The following PKD2 variants were observed in gnomAD, a reference collection of about 807,000 sequenced individuals.
PKD2 encodes the protein polycystin-2.
Under a neutral mutation model 105.9 loss-of-function variants are expected in PKD2, and 48 were observed. That is an observed-to-expected ratio of 0.45 (90% CI 0.36 to 0.58). The LOEUF is 0.58. Ranked by LOEUF, PKD2 falls within the 20% of genes least tolerant of loss-of-function variation. The pLI, the probability that PKD2 is intolerant of heterozygous loss-of-function variation, is 0.00. For synonymous variants in PKD2, 464 were observed against 481.1 expected (o/e 0.96, Z 0.46); for missense variants, 1,078 against 1,255.3 (o/e 0.86, Z 2.13).
At chr4:88,043,570 G>C in intron 5 of PKD2, 113 bp downstream of exon 5, 1 of 712,966 alleles carries the variant, frequency 1.4e-6, no homozygotes, top group Non-Finnish European at 2.5e-6. Context: ...GGATGCCAAG[G>C]ACCCAGACGG....
chr4:88,019,673 G>T, intron 2 of PKD2, 102 bp downstream of exon 2: 1 of 730,598 alleles, frequency 1.4e-6, no homozygotes, highest in South Asian at 1.5e-5. Context: ...AGGGGCAACT[G>T]GGAAGTTACC....
intron 1 of PKD2, among the ~76,000 whole-genome samples, chr4:88,016,569 C>T (rs1303753847): frequency 6.6e-6 from 1 of 152,050 alleles, no homozygotes; most frequent in Non-Finnish European, 1.5e-5. Context: ...GGTCCCTGTA[C>T]CCTAAGATTG....
At chr4:88,043,637 G>C (rs1727662216) in intron 5 of PKD2, among the ~76,000 whole-genome samples, 180 bp downstream of exon 5, 1 of 152,196 alleles carries the variant, frequency 6.6e-6, no homozygotes. Context: ...ATTTGAGGAA[G>C]GGAGTTGGGA....
chr4:88,019,029 T>C (rs1323934995), intron 1 of PKD2, among the ~76,000 whole-genome samples: 1 of 152,240 alleles, frequency 6.6e-6, no homozygotes, highest in African/African-American at 2.4e-5. Context: ...ACTTGAAATA[T>C]AATTACATCA....
chr4:88,052,327 G>T (rs951441869), intron 7 of PKD2, among the ~76,000 whole-genome samples, 169 bp downstream of exon 7: 1 of 152,138 alleles, frequency 6.6e-6, no homozygotes, highest in Admixed American at 6.5e-5. Context: ...GGAGTGCAGT[G>T]GTATGATTAC....
intron 4 of PKD2, among the ~76,000 whole-genome samples, chr4:88,042,115 C>T (rs1727586741): frequency 6.6e-6 from 1 of 152,196 alleles, no homozygotes; most frequent in Non-Finnish European, 1.5e-5. Flanking sequence ...TTGAAAATGC[C>T]CTTCCCATTT....
intron 13 of PKD2, among the ~76,000 whole-genome samples, chr4:88,069,169 C>T (rs1018062751): frequency 6.6e-6 from 1 of 152,058 alleles, no homozygotes; most frequent in African/African-American, 2.4e-5. Flanking sequence ...TTACTTTAAA[C>T]TTATTTATAT....
intron 2 of PKD2, among the ~76,000 whole-genome samples, chr4:88,020,117 A>T (rs994788787): frequency 1.3e-5 from 2 of 152,182 alleles, no homozygotes; most frequent in African/African-American, 4.8e-5. Flanking sequence ...TTTGTATTAG[A>T]TTCCTTAACA....
chr4:88,027,479 C>G (rs995448898), intron 2 of PKD2, among the ~76,000 whole-genome samples: 1 of 152,196 alleles, frequency 6.6e-6, no homozygotes, highest in South Asian at 2.1e-4. Context: ...AAGTAACTAA[C>G]TTGCTTTTGA....
intron 6 of PKD2, among the ~76,000 whole-genome samples, chr4:88,050,983 G>T (rs531904254): frequency 1.3e-5 from 2 of 152,194 alleles, no homozygotes; most frequent in Non-Finnish European, 2.9e-5. Context: ...AGAGAGAATG[G>T]ACAGCAAAGA....
At chr4:88,055,383 G>A (rs1229335319) in intron 7 of PKD2, among the ~76,000 whole-genome samples, 2 of 151,808 alleles carry the variant, frequency 1.3e-5, no homozygotes, top group Non-Finnish European at 1.5e-5. Flanking sequence ...AATCCTTTTT[G>A]GGGGGAAAGC....
Position 88,007,748 on chromosome 4 carries a change from T to C in PKD2, c.15T>C (p.Ser5=), listed in dbSNP as rs760925232. The change falls in exon 1 of 15, where the codon AGT becomes AGC. Residue 5 remains serine, a synonymous_variant. Coordinates refer to ENST00000237596, the MANE Select transcript of PKD2 (RefSeq NM_000297.4). MVNS[S]RVQPQQPGDA... is the part of the protein sequence containing the mutation. ...CAGTGACCGCGATGGTGAACTCCAG[T>C]CGCGTGCAGCCTCAGCAGCCCGGGG... 8.3e-7 allele frequency: 1 copy of C among 1,204,822 alleles called. No homozygotes were observed. 74.6% of individuals were successfully genotyped at this position (1,204,822 alleles called of 1,614,324 possible). A position where few individuals can be genotyped will look rare whatever the true frequency, so the allele number is the denominator to read the frequency against.
intron 6 of PKD2, among the ~76,000 whole-genome samples, chr4:88,049,598 G>A (rs1157382220): frequency 6.6e-6 from 1 of 152,158 alleles, no homozygotes; most frequent in African/African-American, 2.4e-5. Flanking sequence ...CTGACCAAGT[G>A]TAGAAGTGAG....
intron 2 of PKD2, among the ~76,000 whole-genome samples, chr4:88,027,686 C>A (rs770207264): frequency 6.6e-6 from 1 of 152,160 alleles, no homozygotes; most frequent in Admixed American, 6.5e-5. Flanking sequence ...TGTCTCCACC[C>A]AAATCTCATC....
chr4:88,050,265 C>T (rs527638329), intron 6 of PKD2, among the ~76,000 whole-genome samples: 16 of 152,220 alleles, frequency 1.1e-4, no homozygotes, highest in Non-Finnish European at 1.8e-4. Flanking sequence ...TGAACCACCG[C>T]GCCTGGCCCG....
chr4:88,024,994 G>A (rs976946714), intron 2 of PKD2, among the ~76,000 whole-genome samples: 43 of 152,000 alleles, frequency 2.8e-4, no homozygotes, highest in South Asian at 2.1e-4. Flanking sequence ...CTAGCCAGGC[G>A]TGGTGGCAGG....
chr4:88,064,504 C>G lies in PKD2; in HGVS notation c.2119-870C>G, dbSNP rs146606561. 5.6e-3 allele frequency among the ~76,000 whole-genome samples: 849 copies of G among 152,304 alleles called. 2 individuals are homozygous for G. The highest frequency in any genetic ancestry group is 0.019 in the African/African-American group (804 of 41,568). On this transcript the variant is annotated intron_variant, in intron 10 of 14. Coordinates refer to ENST00000237596, the MANE Select transcript of PKD2 (RefSeq NM_000297.4). ...CACAGAACAATTGTAATTCTTCCCACTGATTATTCAGATCATTTTGCACAA... is the reference window on the plus strand; with the variant it reads ...CACAGAACAATTGTAATTCTTCCCAGTGATTATTCAGATCATTTTGCACAA...
At chr4:88,049,943 A>G (rs1719983457) in intron 6 of PKD2, among the ~76,000 whole-genome samples, 1 of 150,720 alleles carries the variant, frequency 6.6e-6, no homozygotes, top group Non-Finnish European at 1.5e-5. Context: ...TAATTTATTG[A>G]CCACTTGCTA....
intron 13 of PKD2, among the ~76,000 whole-genome samples, chr4:88,073,693 G>A (rs1424041785): frequency 6.6e-6 from 1 of 152,220 alleles, no homozygotes; most frequent in Non-Finnish European, 1.5e-5. Flanking sequence ...GGACAGGAGA[G>A]AAGGCTCAGA....
Sources: gnomAD v4.1 joint callset for allele counts (sites outside exome capture counted in the v4.1 genomes callset) on GRCh38, gnomAD v4.1.1 for gene constraint, MANE v1.5 for transcripts, NCBI Gene and HGNC (gene_info 2026-07-23, HGNC 2026-07-21) for gene names.